Variants in MRLN observed in about 807,000 individuals in gnomAD.
MRLN encodes the protein Linc-RNA activator of myogenesis.
At chr10:59,746,719 C>T (rs1465506681) in intron 1 of MRLN, among the ~76,000 whole-genome samples, 2 of 152,360 alleles carry the variant, frequency 1.3e-5, no homozygotes, top group South Asian at 2.1e-4. Context: ...AATTTATTCA[C>T]ATCAAAACAA....
At chr10:59,739,124 A>C (rs1467164223) in intron 1 of MRLN, 1 of 147,740 alleles carries the variant, frequency 6.8e-6, no homozygotes, top group Non-Finnish European at 1.5e-5. Flanking sequence ...TTCCGTCTCA[A>C]AAAAAAAAAA....
intron 1 of MRLN, among the ~76,000 whole-genome samples, chr10:59,741,349 AT>A (rs765326875): frequency 6.6e-6 from 1 of 151,540 alleles, no homozygotes; most frequent in Non-Finnish European, 1.5e-5. Context: ...TTTACTGTAC[AT>A]TTTTTATTTT....
At chr10:59,742,139 T>C (rs894588798) in intron 1 of MRLN, among the ~76,000 whole-genome samples, 3 of 152,122 alleles carry the variant, frequency 2.0e-5, no homozygotes, top group Non-Finnish European at 4.4e-5. Flanking sequence ...AAGACACATA[T>C]CCAAACATTG....
At chr10:59,743,898 A>ATGAG (rs1841011408) in intron 1 of MRLN, among the ~76,000 whole-genome samples, 1 of 152,270 alleles carries the variant, frequency 6.6e-6, no homozygotes, top group African/African-American at 2.4e-5. Context: ...GCTCCTGACC[A>ATGAG]TGAGTGATCT....
At position 59,742,684 on chromosome 10, in the gene MRLN, C is replaced by CCTTCCCTTTCTTTTCCTTA. The variant is rs1400927824; in HGVS notation, c.-124-4123_-124-4122insTAAGGAAAAGAAAGGGAAG. On this transcript the variant is annotated intron_variant, in intron 1 of 2. Coordinates refer to ENST00000414264, the MANE Select transcript of MRLN (RefSeq NM_001304731.2). ...CTTCCTTCCCTTCCTTCCTTCCCTT[C>CCTTCCCTTTCTTTTCCTTA]CTTCCCTTTCTTTTCCTTCCTTCCC... 9.0e-4 allele frequency among the ~76,000 whole-genome samples: 136 copies of CCTTCCCTTTCTTTTCCTTA among 151,090 alleles called. 1 individual carries two copies. Among genetic ancestry groups the CCTTCCCTTTCTTTTCCTTA allele is most frequent in the African/African-American group, 3.2e-3 (134 of 41,282 alleles).
At chr10:59,750,539 T>G (rs986170745) in intron 1 of MRLN, among the ~76,000 whole-genome samples, 6 of 152,248 alleles carry the variant, frequency 3.9e-5, no homozygotes, top group African/African-American at 2.4e-5. Flanking sequence ...TCTTGAAGGT[T>G]AAAGTTTCTA....
At chr10:59,742,387 T>C (rs947528219) in intron 1 of MRLN, among the ~76,000 whole-genome samples, 2 of 152,226 alleles carry the variant, frequency 1.3e-5, no homozygotes, top group African/African-American at 4.8e-5. Flanking sequence ...AGTACATTTA[T>C]ATAAACTAGA....
chr10:59,743,300 G>T (rs1487710566), intron 1 of MRLN, among the ~76,000 whole-genome samples: 2 of 145,386 alleles, frequency 1.4e-5, no homozygotes, highest in African/African-American at 5.1e-5. Flanking sequence ...AAGGAAAGTA[G>T]TCTCATTACT....
chr10:59,748,293 A>AT (rs545553691), intron 1 of MRLN, among the ~76,000 whole-genome samples: 51 of 152,194 alleles, frequency 3.4e-4, no homozygotes, highest in Non-Finnish European at 5.6e-4. Flanking sequence ...TGGTAAATGG[A>AT]TTTTTTGTGT....
intron 1 of MRLN, among the ~76,000 whole-genome samples, chr10:59,742,438 G>A (rs1157750274): frequency 1.3e-5 from 2 of 152,172 alleles, no homozygotes; most frequent in South Asian, 2.1e-4. Context: ...TATATATATG[G>A]TTGGCAGTAA....
intron 1 of MRLN, among the ~76,000 whole-genome samples, chr10:59,742,573 C>T (rs896332945): frequency 9.9e-5 from 15 of 152,066 alleles, no homozygotes; most frequent in Non-Finnish European, 1.8e-4. Flanking sequence ...CATCTCTTGT[C>T]CTGGGTGGTG....
chr10:59,740,601 G>C (rs1329526141), intron 1 of MRLN, among the ~76,000 whole-genome samples: 12 of 152,086 alleles, frequency 7.9e-5, no homozygotes, highest in African/African-American at 2.9e-4. Context: ...ATAGAAAAAA[G>C]CTTATAGAAT....
At chr10:59,742,712 T>C (rs1840997838) in intron 1 of MRLN, among the ~76,000 whole-genome samples, 1 of 151,788 alleles carries the variant, frequency 6.6e-6, no homozygotes, top group Admixed American at 6.6e-5. Flanking sequence ...TCCTTCCCTT[T>C]CTTTTCCTTC....
At chr10:59,742,941 G>A (rs1001210676) in intron 1 of MRLN, among the ~76,000 whole-genome samples, 1 of 151,938 alleles carries the variant, frequency 6.6e-6, no homozygotes, top group African/African-American at 2.4e-5. Context: ...TATTCCCCAG[G>A]CTGGTCTTGA....
chr10:59,742,021 C>T lies in MRLN; in HGVS notation c.-124-3459G>A, dbSNP rs938712663. Among the ~76,000 whole-genome samples the T allele has an allele frequency of 2.4e-4, 36 of 152,124 alleles. 1 individual carries two copies. ...TTCCCAAAGCACTGGGGAGCCACTG[C>T]ACCTTGATGATATTAAAATGTTTAA... On this transcript the variant is annotated intron_variant, in intron 1 of 2. Coordinates refer to ENST00000414264, the MANE Select transcript of MRLN (RefSeq NM_001304731.2).
intron 1 of MRLN, among the ~76,000 whole-genome samples, chr10:59,742,289 A>T (rs756751587): frequency 3.3e-5 from 5 of 152,222 alleles, no homozygotes; most frequent in Non-Finnish European, 7.3e-5. Flanking sequence ...TTACAAATAT[A>T]CCATTGAATT....
At chr10:59,742,014 G>C (rs1840989017) in intron 1 of MRLN, among the ~76,000 whole-genome samples, 1 of 152,092 alleles carries the variant, frequency 6.6e-6, no homozygotes, top group Non-Finnish European at 1.5e-5. Context: ...GCACTGGGGA[G>C]CCACTGCACC....
At chr10:59,739,249 A>G (rs1840956303) in intron 1 of MRLN, 1 of 152,204 alleles carries the variant, frequency 6.6e-6, no homozygotes, top group African/African-American at 2.4e-5. Flanking sequence ...ACCATAACTC[A>G]TGAGATTGTG....
At chr10:59,742,856 G>GT (rs1376567558) in intron 1 of MRLN, among the ~76,000 whole-genome samples, 1 of 151,960 alleles carries the variant, frequency 6.6e-6, no homozygotes, top group Non-Finnish European at 1.5e-5. Flanking sequence ...AGCCTCATGA[G>GT]TAGCTGGGGC....
Sources: allele counts gnomAD v4.1 joint callset (sites outside exome capture counted in the v4.1 genomes callset), GRCh38; gene constraint gnomAD v4.1.1; transcripts MANE v1.5; gene names NCBI Gene and HGNC (gene_info 2026-07-23, HGNC 2026-07-21).